Variants in TLE2 observed in about 807,000 individuals in gnomAD.
TLE2 encodes transducin-like enhancer protein 2.
In TLE2, 74 loss-of-function variants were observed where a neutral mutation model predicts 97.2. The observed-to-expected ratio is 0.76, with a 90% CI of 0.63 to 0.92. The LOEUF (loss-of-function observed/expected upper bound fraction) is 0.92, where lower values mean the gene tolerates loss of function less well. Ranked by LOEUF, TLE2 falls within the 40% of genes least tolerant of loss-of-function variation. TLE2 has a pLI of 0.00. For missense variants in TLE2, 1,038 were observed against 1,008.7 expected, an observed-to-expected ratio of 1.03 and a Z score of -0.39; for synonymous variants, 499 against 432.1, an observed-to-expected ratio of 1.15 and a Z score of -1.92.
intron 1 of TLE2, among the ~76,000 whole-genome samples, chr19:3,039,006 G>A (rs1401034876): frequency 6.6e-6 from 1 of 151,100 alleles, no homozygotes; most frequent in African/African-American, 2.4e-5. Context: ...TCGCACCATT[G>A]CACTCCAGCC....
chr19:3,046,725 G>C (rs945518501), upstream of TLE2, among the ~76,000 whole-genome samples: 4 of 152,174 alleles, frequency 2.6e-5, no homozygotes, highest in East Asian at 7.8e-4. Context: ...TCAGAATGGG[G>C]GAGGGGGGCT....
chr19:3,016,446 C>G (rs922197818), intron 8 of TLE2, among the ~76,000 whole-genome samples: 1 of 141,110 alleles, frequency 7.1e-6, no homozygotes, highest in Admixed American at 7.2e-5. Flanking sequence ...AAAAATTAGC[C>G]GGGCATGGTG....
chr19:3,002,648 C>T, intron 17 of TLE2, 145 bp from the exon 18 acceptor site: 1 of 943,390 alleles, frequency 1.1e-6, no homozygotes, highest in Non-Finnish European at 1.5e-6. Flanking sequence ...AAGAGATCCT[C>T]CTGCCTCAGC....
chr19:3,001,419 TTTTGTTTG>T (rs143213071), intron 18 of TLE2, among the ~76,000 whole-genome samples: 3 of 151,618 alleles, frequency 2.0e-5, no homozygotes, highest in East Asian at 1.9e-4. Context: ...CCAGCCCAAG[TTTTGTTTG>T]TTTGTTTGTT....
Position 3,019,553 on chromosome 19 carries a change from C to T in TLE2, c.370-90G>A. ...AAGAGGTAGACACAGGGGATGGGAC[C>T]TAAGCACAGCATGTGCCCCTGGGGT... On this transcript the variant is annotated intron_variant, in intron 6 of 19. Transcript: ENST00000262953. This position sits in a 1 kb window ranked among gnomAD's most constrained non-coding sequence, Gnocchi z 5.1. 1 of 1,491,170 alleles carries T rather than the reference C, an allele frequency of 6.7e-7. No homozygotes were observed. The highest frequency in any genetic ancestry group is 8.9e-7 in the Non-Finnish European group (1 of 1,117,690). The allele number at this position is 1,491,170 out of a possible 1,614,324, so 92.4% of individuals were successfully genotyped here.
intron 4 of TLE2, among the ~76,000 whole-genome samples, chr19:3,027,063 C>T (rs1160873531): frequency 2.6e-5 from 4 of 152,160 alleles, no homozygotes; most frequent in African/African-American, 9.6e-5. Flanking sequence ...AGGTCAATCT[C>T]AGAACCGTGA....
In TLE2 at chr19:3,017,160, C is replaced by T. The variant is rs534995134; in HGVS notation, c.570+680G>A. ...GGTTGCTGTTGTTTGTTTTTTGAGA[C>T]AGAGTCTCATACTGTCGCACAGGCT... On this transcript the variant is annotated intron_variant, in intron 8 of 19. Coordinates refer to ENST00000262953, the MANE Select transcript of TLE2 (RefSeq NM_003260.5). Among the ~76,000 whole-genome samples the T allele has an allele frequency of 2.1e-4, 31 of 150,050 alleles. 1 individual carries two copies. The East Asian group carries it at 5.1e-3, about 25-fold the overall frequency.
intron 4 of TLE2, chr19:3,025,731 G>T: frequency 2.3e-6 from 1 of 433,974 alleles, no homozygotes; most frequent in Non-Finnish European, 3.1e-6. Context: ...TGAGTTACAG[G>T]TGTGCTGTGT....
At chr19:3,022,812 A>G (rs1272493914) in intron 5 of TLE2, among the ~76,000 whole-genome samples, 1 of 152,008 alleles carries the variant, frequency 6.6e-6, no homozygotes, top group Non-Finnish European at 1.5e-5. Context: ...GACTTTCTAG[A>G]AAGGGCCAGA....
At chr19:3,015,233 T>A (rs1408583715) in intron 9 of TLE2, among the ~76,000 whole-genome samples, 3 of 152,138 alleles carry the variant, frequency 2.0e-5, no homozygotes, top group Non-Finnish European at 4.4e-5. Context: ...ACATTCGGCC[T>A]GGCCCCTGGG....
rs752326503 is a variant in TLE2 at position 3,021,114 on chromosome 19, A to AAAG, written c.295-1342_295-1341insCTT. Among the ~76,000 whole-genome samples the AAAG allele has an allele frequency of 1.0e-3, 47 of 45,418 alleles. 1 individual carries two copies. Among genetic ancestry groups the AAAG allele is most frequent in the Admixed American group, 1.4e-3 (4 of 2,936 alleles). The allele number at this position is 45,418 out of a possible 152,430, so 29.8% of individuals were successfully genotyped here. A position where few individuals can be genotyped will look rare whatever the true frequency, so the allele number is the denominator to read the frequency against. On this transcript the variant is annotated intron_variant, in intron 5 of 19. Transcript: ENST00000262953. ...AAAAAAAAAAAAAAAAAAAAAAAAAAGGGGGGGGGGTGCTGAGCGTGGTGA... is the reference window on the plus strand; with the variant it reads ...AAAAAAAAAAAAAAAAAAAAAAAAAAAAGGGGGGGGGGGTGCTGAGCGTGGTGA...
chr19:3,043,513 C>T (rs1484583532), intron 1 of TLE2, among the ~76,000 whole-genome samples: 1 of 151,904 alleles, frequency 6.6e-6, no homozygotes, highest in East Asian at 1.9e-4. Context: ...AAACATCTAC[C>T]TGGGACCTGC....
At chr19:3,011,811 T>C (rs1045216119) in intron 11 of TLE2, among the ~76,000 whole-genome samples, 10 of 150,960 alleles carry the variant, frequency 6.6e-5, no homozygotes, top group East Asian at 4.0e-4. Flanking sequence ...GATCACGCCA[T>C]TGCACTCTAG....
chr19:3,007,877 G>A (rs2089509406), intron 14 of TLE2, among the ~76,000 whole-genome samples: 1 of 152,060 alleles, frequency 6.6e-6, no homozygotes, highest in African/African-American at 2.4e-5. Context: ...TTGAGGTCAG[G>A]AGTTCAAAAC....
intron 12 of TLE2, 50 bp downstream of exon 12, chr19:3,010,972 C>T: frequency 6.4e-7 from 1 of 1,568,458 alleles, no homozygotes; most frequent in Non-Finnish European, 8.6e-7. Flanking sequence ...CCTAGATCTC[C>T]CCAGAGACGA....
chr19:3,019,145 G>T lies in TLE2; in HGVS notation c.550+138C>A, dbSNP rs560539930. ...ACTCCTGGGCTCAAGCGATCCTCCC[G>T]CCTCGGCCTCCCAAATTGTTGGGAT... On this transcript the variant is annotated intron_variant, in intron 7 of 19. Coordinates refer to ENST00000262953, the MANE Select transcript of TLE2 (RefSeq NM_003260.5). This position sits in a 1 kb window ranked among gnomAD's most constrained non-coding sequence, Gnocchi z 5.1. The T allele has an allele frequency of 1.6e-6, 2 of 1,267,042 alleles. No homozygotes were observed. Among genetic ancestry groups the T allele is most frequent in the African/African-American group, 1.5e-5 (1 of 67,680 alleles). The allele number at this position is 1,267,042 out of a possible 1,614,324, so 78.5% of individuals were successfully genotyped here.
Position 3,019,366 on chromosome 19 carries a change from A to C in TLE2, c.467T>G (p.Leu156Arg), listed in dbSNP as rs1264275046. The change falls in exon 7 of 20, where the codon CTG becomes CGG. Residue 156 changes from leucine to arginine, a missense_variant. Coordinates refer to ENST00000262953, the MANE Select transcript of TLE2 (RefSeq NM_003260.5). This position sits in a 1 kb window ranked among gnomAD's most constrained non-coding sequence, Gnocchi z 5.1. ...VGGSATGLLA[L>R]SGALAAQAQL... Reference sequence around the variant, plus strand: ...AGCCTGGGCAGCCAGGGCTCCAGACAGAGCAAGCAGCCCCGTAGCACTGCC... The same window carrying C: ...AGCCTGGGCAGCCAGGGCTCCAGACCGAGCAAGCAGCCCCGTAGCACTGCC... The C allele has an allele frequency of 6.4e-7, 1 of 1,558,342 alleles. No individual in the cohort carries two copies. The highest frequency in any genetic ancestry group is 2.4e-5 in the East Asian group (1 of 42,216).
intron 5 of TLE2, among the ~76,000 whole-genome samples, chr19:3,021,114 A>AGGG (rs148602558): frequency 1.3e-3 from 61 of 45,438 alleles, no homozygotes; most frequent in Non-Finnish European, 2.0e-3. Flanking sequence ...AAAAAAAAAA[A>AGGG]GGGGGGGGGG....
At chr19:3,023,617 G>A (rs1036499729) in intron 5 of TLE2, among the ~76,000 whole-genome samples, 2 of 152,044 alleles carry the variant, frequency 1.3e-5, no homozygotes, top group African/African-American at 4.8e-5. Flanking sequence ...AGTGCAGGCT[G>A]GGTACAGTGG....
Sources: gnomAD v4.1 joint callset for allele counts (sites outside exome capture counted in the v4.1 genomes callset) on GRCh38, gnomAD v4.1.1 for gene constraint, Gnocchi (gnomAD v3.1) non-coding constraint, MANE v1.5 for transcripts, NCBI Gene and HGNC (gene_info 2026-07-23, HGNC 2026-07-21) for gene names.